IGLON5: variants seen among roughly 807,000 people sequenced by gnomAD.
IGLON5 encodes the protein Ig-like domain-containing protein ENSP00000270642.
IGLON5 carries 16 observed loss-of-function variants against 38.2 expected under a neutral mutation model. The observed-to-expected ratio is 0.42, with a 90% CI of 0.28 to 0.64. The LOEUF (loss-of-function observed/expected upper bound fraction) is 0.64, where lower values mean the gene tolerates loss of function less well. Ranked by LOEUF, IGLON5 falls within the 30% of genes least tolerant of loss-of-function variation. The pLI, the probability that IGLON5 is intolerant of heterozygous loss-of-function variation, is 0.23. For synonymous variants in IGLON5, 207 were observed against 216.4 expected, an observed-to-expected ratio of 0.96 and a Z score of 0.38; for missense variants, 366 against 483.4, an observed-to-expected ratio of 0.76 and a Z score of 2.28.
At chr19:51,313,632 TCTC>T (rs1568456648) in intron 1 of IGLON5, among the ~76,000 whole-genome samples, 26 of 120,782 alleles carry the variant, frequency 2.2e-4, no homozygotes, top group African/African-American at 1.1e-3. Context: ...TTTCTCTTTT[TCTC>T]TCTCTCTCTC....
At chr19:51,312,747 CCCCGGCCCGG>C (rs897623207) in intron 1 of IGLON5, among the ~76,000 whole-genome samples, 8 of 151,982 alleles carry the variant, frequency 5.3e-5, no homozygotes, top group Admixed American at 5.2e-4. Context: ...GAAGGGTTAA[CCCCGGCCCGG>C]CCCGGCCCTC....
intron 1 of IGLON5, among the ~76,000 whole-genome samples, chr19:51,313,617 C>CTTT (rs1984825271): frequency 6.8e-6 from 1 of 146,726 alleles, no homozygotes; most frequent in Admixed American, 6.7e-5. Flanking sequence ...TTCTTTCTTT[C>CTTT]CTTCTTTCTC....
At chr19:51,319,437 G>T (rs1985002420) in intron 1 of IGLON5, among the ~76,000 whole-genome samples, 1 of 152,086 alleles carries the variant, frequency 6.6e-6, no homozygotes, top group African/African-American at 2.4e-5. Flanking sequence ...CTTGTTACAC[G>T]GGTTGTAGCT....
chr19:51,319,867 C>T (rs1042534565), intron 1 of IGLON5, among the ~76,000 whole-genome samples: 12 of 151,270 alleles, frequency 7.9e-5, no homozygotes, highest in East Asian at 1.9e-4. Flanking sequence ...TGTTTGTATG[C>T]GTGTGATTGT....
rs1038811933 is a variant in IGLON5, at chr19:51,325,900, C to T, written c.511+435C>T. 3.3e-5 allele frequency among the ~76,000 whole-genome samples: 5 copies of T among 152,076 alleles called. No individual in the cohort carries two copies. Among genetic ancestry groups the T allele is most frequent in the African/African-American group, 9.7e-5 (4 of 41,378 alleles). On this transcript the variant is annotated intron_variant, in intron 4 of 7. Coordinates refer to ENST00000270642, the MANE Select transcript of IGLON5 (RefSeq NM_001101372.3). This position sits in a 1 kb window ranked among gnomAD's most constrained non-coding sequence, Gnocchi z 5.5. ...GGCCTCATGGTGTGGGCCCCAGACCCGAAGCATCAGCATACCTTGGGAACT... is the reference window on the plus strand; with the variant it reads ...GGCCTCATGGTGTGGGCCCCAGACCTGAAGCATCAGCATACCTTGGGAACT...
At chr19:51,315,835 A>T (rs1823904520) in intron 1 of IGLON5, among the ~76,000 whole-genome samples, 1 of 151,546 alleles carries the variant, frequency 6.6e-6, no homozygotes. Flanking sequence ...AGCTGGGACT[A>T]CAGGCGCCCA....
rs1266621773 is a variant in IGLON5 at position 51,330,887 on chromosome 19, A to G, written c.*2128A>G. Among the ~76,000 whole-genome samples, 2 of 152,162 alleles carry G rather than the reference A, an allele frequency of 1.3e-5. No individual in the cohort carries two copies. Among genetic ancestry groups the G allele is most frequent in the African/African-American group, 4.8e-5 (2 of 41,434 alleles). On this transcript the variant is annotated 3_prime_UTR_variant, in exon 8 of 8. Transcript: ENST00000270642. ...GCAATAAAGTCCCCTGTATATTTAA[A>G]CCAATTTGCATTGGATTTTCTATCT... is the stretch of plus-strand genomic sequence containing the variant.
chr19:51,325,964 G>C lies in IGLON5; in HGVS notation c.511+499G>C, dbSNP rs1985206890. Among the ~76,000 whole-genome samples, 1 of 152,058 alleles carries C rather than the reference G, an allele frequency of 6.6e-6. No homozygotes were observed. The highest frequency in any genetic ancestry group is 2.1e-4 in the South Asian group (1 of 4,822). ...CTTTCCCAGGCTCCAACCAAGACCT[G>C]CTAAATCCAAAGCTCCCTCTCGCTC... On this transcript the variant is annotated intron_variant, in intron 4 of 7. Transcript: ENST00000270642. This position sits in a 1 kb window ranked among gnomAD's most constrained non-coding sequence, Gnocchi z 5.5.
rs753948923 is a variant in IGLON5 at position 51,325,408 on chromosome 19, C to G, written c.454C>G (p.Leu152Val). 3.1e-6 allele frequency: 5 copies of G among 1,613,738 alleles called. No individual in the cohort carries two copies. Among genetic ancestry groups the G allele is most frequent in the Non-Finnish European group, 4.2e-6 (5 of 1,179,806 alleles). Residue 152 changes from leucine (L) to valine (V), a missense_variant, in exon 4 of 8, where the codon CTG (leucine) becomes GTG (valine). Coordinates refer to ENST00000270642, the MANE Select transcript of IGLON5 (RefSeq NM_001101372.3). This position sits in a 1 kb window ranked among gnomAD's most constrained non-coding sequence, Gnocchi z 5.5. ...GGTGAATGAGGGGGGCAATGTGAAC[C>G]TGCTTTGCCTGGCCGTGGGGCGGCC... is the stretch of plus-strand genomic sequence containing the variant. The part of the protein sequence containing the change: ...VTVNEGGNVN[L>V]LCLAVGRPEP...
intron 1 of IGLON5, 61 bp downstream of exon 1, chr19:51,311,987 G>T: frequency 1.1e-6 from 1 of 949,844 alleles, no homozygotes; most frequent in Non-Finnish European, 1.4e-6. Flanking sequence ...GTGGGTAATC[G>T]GGGGATCAGG....
At position 51,325,866 on chromosome 19, in the gene IGLON5, A is replaced by G. The variant is rs1029774636; in HGVS notation, c.511+401A>G. On this transcript the variant is annotated intron_variant, in intron 4 of 7. Coordinates refer to ENST00000270642, the MANE Select transcript of IGLON5 (RefSeq NM_001101372.3). The surrounding 1 kb of genome is among the most constrained non-coding windows in gnomAD (Gnocchi z 5.5). Reference sequence around the variant, plus strand: ...GCCTCTCTCTTCTGCTGGACGCTCTAGCCCAGCGGGCCTCATGGTGTGGGC... The same window carrying G: ...GCCTCTCTCTTCTGCTGGACGCTCTGGCCCAGCGGGCCTCATGGTGTGGGC... Among the ~76,000 whole-genome samples the G allele has an allele frequency of 6.6e-5, 10 of 151,996 alleles. No homozygotes were observed. The highest frequency in any genetic ancestry group is 1.2e-4 in the Non-Finnish European group (8 of 67,998).
chr19:51,323,792 A>G lies in IGLON5; in HGVS notation c.289A>G (p.Ile97Val), dbSNP rs546231454. The change falls in exon 3 of 8, where the codon ATC (isoleucine) becomes GTC (valine). Residue 97 changes from isoleucine (I) to valine (V), a missense_variant. Transcript: ENST00000270642. Reference protein sequence around the residue: ...LLINTPEEFSILITEVGLGDE... With the variant: ...LLINTPEEFSVLITEVGLGDE... ...CATCAACACCCCCGAGGAGTTCTCCATCCTCATCACCGAGGTGGGGCTCGG... is the reference window on the plus strand; with the variant it reads ...CATCAACACCCCCGAGGAGTTCTCCGTCCTCATCACCGAGGTGGGGCTCGG... 9 of 1,613,846 alleles carry G rather than the reference A, an allele frequency of 5.6e-6. No homozygotes were observed. The highest frequency in any genetic ancestry group is 7.6e-6 in the Non-Finnish European group (9 of 1,179,860).
At position 51,327,351 on chromosome 19, in the gene IGLON5, G is replaced by A. The variant is rs2123536167; in HGVS notation, c.767+151G>A. Among the ~76,000 whole-genome samples, 1 of 152,274 alleles carries A rather than the reference G, an allele frequency of 6.6e-6. No individual in the cohort carries two copies. The highest frequency in any genetic ancestry group is 2.4e-5 in the African/African-American group (1 of 41,550). ...GTCCAGCTTCTAGGTGATGGGATCT[G>A]TCCAGCCCCGGAGACAAGCTTGGGT... On this transcript the variant is annotated intron_variant, in intron 6 of 7. Transcript: ENST00000270642. This position sits in a 1 kb window ranked among gnomAD's most constrained non-coding sequence, Gnocchi z 7.1.
Position 51,323,772 on chromosome 19 carries a change from A to G in IGLON5, c.269A>G (p.Asn90Ser), listed in dbSNP as rs1189631257. 4 of 1,613,866 alleles carry G rather than the reference A, an allele frequency of 2.5e-6. No homozygotes were observed. The highest frequency in any genetic ancestry group is 1.3e-5 in the African/African-American group (1 of 75,014). ...GACCCGCGGGTGCGGCTGCTCATCA[A>G]CACCCCCGAGGAGTTCTCCATCCTC... ...TSDPRVRLLI[N>S]TPEEFSILIT... The change falls in exon 3 of 8, where the codon AAC becomes AGC. Residue 90 changes from asparagine (N) to serine (S), a missense_variant. Asn to Ser is a conservative substitution (Grantham distance 46). Coordinates refer to ENST00000270642, the MANE Select transcript of IGLON5 (RefSeq NM_001101372.3).
chr19:51,312,084 C>T (rs553757185), intron 1 of IGLON5, among the ~76,000 whole-genome samples, 158 bp downstream of exon 1: 1 of 152,024 alleles, frequency 6.6e-6, no homozygotes, highest in Non-Finnish European at 1.5e-5. Context: ...GTCTGCATTC[C>T]CTGGCTGGGC....
In IGLON5 at chr19:51,328,887, GGAGAA is replaced by G; in HGVS notation, c.*132_*136del. Reference sequence around the variant, plus strand: ...CTCGGCCACCAAGGAAGAAGAGAGAGGAGAAGAGGAGGAGGCAGAGGAAGAAAGAT... The same window carrying G: ...CTCGGCCACCAAGGAAGAAGAGAGAGGAGGAGGAGGCAGAGGAAGAAAGAT... On this transcript the variant is annotated 3_prime_UTR_variant, in exon 8 of 8. Coordinates refer to ENST00000270642, the MANE Select transcript of IGLON5 (RefSeq NM_001101372.3). 3.4e-6 allele frequency: 2 copies of G among 584,666 alleles called. No individual in the cohort carries two copies. The highest frequency in any genetic ancestry group is 7.0e-5 in the Admixed American group (2 of 28,432). The allele number at this position is 584,666 out of a possible 1,614,324, so 36.2% of individuals were successfully genotyped here. A position where few individuals can be genotyped will look rare whatever the true frequency, so the allele number is the denominator to read the frequency against.
At chr19:51,312,842 G>T (rs938451082) in intron 1 of IGLON5, among the ~76,000 whole-genome samples, 11 of 152,294 alleles carry the variant, frequency 7.2e-5, no homozygotes, top group African/African-American at 2.6e-4. Context: ...CCCCAGTAGG[G>T]CCTGGCAGGC....
At position 51,325,233 on chromosome 19, in the gene IGLON5, T is replaced by C. The variant is rs10403450; in HGVS notation, c.392-113T>C. The C allele has an allele frequency of 0.55, 809,226 of 1,459,700 alleles. 227,310 individuals carry two copies. Among genetic ancestry groups the C allele is most frequent in the Admixed American group, 0.69 (33,501 of 48,796 alleles). The allele number at this position is 1,459,700 out of a possible 1,614,324, so 90.4% of individuals were successfully genotyped here. On this transcript the variant is annotated intron_variant, in intron 3 of 7. Transcript: ENST00000270642. The surrounding 1 kb of genome is among the most constrained non-coding windows in gnomAD (Gnocchi z 5.5). ...AGGAGGGGCTGGGGGTCTGAACTCC[T>C]GGGTCTGAGGGAGGAGGAGGGGCTG...
chr19:51,326,935 G>T, intron 5 of IGLON5, 37 bp downstream of exon 5: 1 of 1,572,058 alleles, frequency 6.4e-7, no homozygotes, highest in Non-Finnish European at 8.6e-7. Context: ...AAGGGTGGCG[G>T]ACCCCCGAGT....
Sources: allele counts gnomAD v4.1 joint callset (sites outside exome capture counted in the v4.1 genomes callset), GRCh38; gene constraint gnomAD v4.1.1; non-coding constraint Gnocchi (gnomAD v3.1); transcripts MANE v1.5; gene names NCBI Gene and HGNC (gene_info 2026-07-23, HGNC 2026-07-21).